TRIM33: variants seen among roughly 807,000 people sequenced by gnomAD.
The protein encoded by TRIM33 is E3 ubiquitin-protein ligase TRIM33.
In TRIM33, 20 loss-of-function variants were observed where a neutral mutation model predicts 125.4. The ratio of observed to expected loss-of-function variants is 0.16; its 90% CI spans 0.11 to 0.23. The LOEUF is 0.23. TRIM33 is among the 10% of genes least tolerant of loss of function. TRIM33 has a pLI of 1.00. For synonymous variants in TRIM33, 564 were observed against 513.9 expected, an observed-to-expected ratio of 1.10 and a Z score of -1.32; for missense variants, 920 against 1,411.4, an observed-to-expected ratio of 0.65 and a Z score of 5.58.
chr1:114,419,647 G>C (rs557797142), intron 11 of TRIM33, among the ~76,000 whole-genome samples: 3 of 152,244 alleles, frequency 2.0e-5, no homozygotes, highest in Admixed American at 6.5e-5. Flanking sequence ...CCTAGTATTA[G>C]GGAAGCAATC....
intron 11 of TRIM33, among the ~76,000 whole-genome samples, chr1:114,414,040 C>G (rs1353394897): frequency 2.0e-5 from 3 of 147,244 alleles, no homozygotes; most frequent in Non-Finnish European, 1.5e-5. Flanking sequence ...CACACACACA[C>G]ACACACACAC....
chr1:114,475,547 G>C (rs1300858517), intron 1 of TRIM33, among the ~76,000 whole-genome samples: 1 of 152,170 alleles, frequency 6.6e-6, no homozygotes, highest in African/African-American at 2.4e-5. Context: ...GCCAGGCGTG[G>C]TGACGGGCAC....
intron 1 of TRIM33, among the ~76,000 whole-genome samples, chr1:114,485,412 T>C (rs772749359): frequency 1.3e-5 from 2 of 152,044 alleles, no homozygotes; most frequent in African/African-American, 2.4e-5. Context: ...ACCAGGCAAA[T>C]CATCACTTCT....
chr1:114,425,797 T>G (rs1468164558), intron 8 of TRIM33, 74 bp from the exon 9 acceptor site: 1 of 1,078,326 alleles, frequency 9.3e-7, no homozygotes, highest in African/African-American at 1.6e-5. Context: ...TCACCATGTT[T>G]TCCTCTTTCC....
intron 4 of TRIM33, among the ~76,000 whole-genome samples, chr1:114,457,184 G>C (rs1649676975): frequency 6.6e-6 from 1 of 152,188 alleles, no homozygotes; most frequent in Admixed American, 6.5e-5. Context: ...ACTGCAGAAA[G>C]TAGTCTCTCT....
At chr1:114,477,227 A>G (rs1197941238) in intron 1 of TRIM33, among the ~76,000 whole-genome samples, 1 of 152,180 alleles carries the variant, frequency 6.6e-6, no homozygotes, top group Non-Finnish European at 1.5e-5. Context: ...TTAAAGTGGC[A>G]TATGATAAAA....
chr1:114,472,795 ATTTAAC>A (rs1213816243), intron 1 of TRIM33, among the ~76,000 whole-genome samples: 1 of 152,168 alleles, frequency 6.6e-6, no homozygotes, highest in Non-Finnish European at 1.5e-5. Context: ...ACAAGCATGA[ATTTAAC>A]TTTAAAGATA....
chr1:114,422,394 A>T (rs574945367), intron 10 of TRIM33, among the ~76,000 whole-genome samples: 11 of 152,134 alleles, frequency 7.2e-5, no homozygotes, highest in Non-Finnish European at 1.3e-4. Context: ...CCCTAGAAAT[A>T]CTTGAAGGCC....
intron 4 of TRIM33, among the ~76,000 whole-genome samples, chr1:114,449,163 TA>T (rs71580620): frequency 1.3e-5 from 2 of 150,558 alleles, no homozygotes; most frequent in Admixed American, 6.6e-5. Flanking sequence ...AAGAATGGTC[TA>T]AAAAAAACAG....
intron 4 of TRIM33, among the ~76,000 whole-genome samples, chr1:114,436,707 C>T (rs1270243782): frequency 2.0e-5 from 3 of 152,156 alleles, no homozygotes; most frequent in Admixed American, 6.5e-5. Context: ...TCAGATGATC[C>T]GCCCACCTCG....
At chr1:114,452,238 G>A (rs915713497) in intron 4 of TRIM33, among the ~76,000 whole-genome samples, 9 of 152,036 alleles carry the variant, frequency 5.9e-5, no homozygotes, top group Non-Finnish European at 1.0e-4. Flanking sequence ...CTGGTGGGCG[G>A]ATCACGAGGT....
In TRIM33 at chr1:114,395,715, G is replaced by A. The variant is rs1238442801; in HGVS notation, c.*1933C>T. On this transcript the variant is annotated 3_prime_UTR_variant, in exon 20 of 20. Coordinates refer to ENST00000358465, the MANE Select transcript of TRIM33 (RefSeq NM_015906.4). ...TAGGAATTTAAAATTTGAGTAAAAT[G>A]TTTCAACAGTTTGGTATATTTTCAA... The A allele has an allele frequency of 5.2e-6, 1 of 191,068 alleles. No homozygotes were observed. The highest frequency in any genetic ancestry group is 1.1e-5 in the Non-Finnish European group (1 of 91,226). The allele number at this position is 191,068 out of a possible 1,614,324, so 11.8% of individuals were successfully genotyped here.
At chr1:114,404,202 TC>T (rs1428233627) in intron 15 of TRIM33, 2 of 152,184 alleles carry the variant, frequency 1.3e-5, no homozygotes, top group Admixed American at 1.3e-4. Context: ...TGGTACAATC[TC>T]GGCTCATGGC....
chr1:114,417,262 A>T (rs1652992124), intron 11 of TRIM33, among the ~76,000 whole-genome samples: 1 of 152,158 alleles, frequency 6.6e-6, no homozygotes, highest in African/African-American at 2.4e-5. Context: ...AATATTCTTG[A>T]ATTAGTGGTA....
At position 114,473,244 on chromosome 1, in the gene TRIM33, G is replaced by A. The variant is rs549496905; in HGVS notation, c.527-8856C>T. ...TATACTCCAGCCTGGGTGCCAGAGCGAGACTCTGTCTCAAAAAAAAAAAAA... is the reference window on the plus strand; with the variant it reads ...TATACTCCAGCCTGGGTGCCAGAGCAAGACTCTGTCTCAAAAAAAAAAAAA... On this transcript the variant is annotated intron_variant, in intron 1 of 19. Transcript: ENST00000358465. 4.1e-5 allele frequency among the ~76,000 whole-genome samples: 6 copies of A among 146,610 alleles called. No homozygotes were observed. In the South Asian group the frequency reaches 1.1e-3, roughly 26 times the overall value.
chr1:114,486,044 G>A (rs1341640954), intron 1 of TRIM33, among the ~76,000 whole-genome samples: 2 of 152,140 alleles, frequency 1.3e-5, no homozygotes, highest in African/African-American at 4.8e-5. Flanking sequence ...GGAAGCTGAG[G>A]CAGGCAGATC....
chr1:114,509,886 T>C (rs112736146), intron 1 of TRIM33, among the ~76,000 whole-genome samples: 9,629 of 152,214 alleles, frequency 0.063, 412 homozygotes, highest in African/African-American at 0.12. Context: ...CTAAAACAAA[T>C]TCATGCCCAG....
chr1:114,406,027 G>A (rs1652209260), intron 14 of TRIM33, among the ~76,000 whole-genome samples: 1 of 152,204 alleles, frequency 6.6e-6, no homozygotes, highest in South Asian at 2.1e-4. Context: ...TGATTGGGAA[G>A]TGAGCATAGG....
Position 114,421,444 on chromosome 1 carries a change from G to GTGGAAT in TRIM33, c.2047_2052dup (p.Ile683_Pro684dup). ...TCAACTCAAATACAAACCTGTATGG[G>GTGGAAT]TGGAATATCTGGCAGCGATGGAAGG... On this transcript the variant is annotated inframe_insertion, in exon 11 of 20. Coordinates refer to ENST00000358465, the MANE Select transcript of TRIM33 (RefSeq NM_015906.4). 1 of 1,613,652 alleles carries GTGGAAT rather than the reference G, an allele frequency of 6.2e-7. No homozygotes were observed. Among genetic ancestry groups the GTGGAAT allele is most frequent in the Non-Finnish European group, 8.5e-7 (1 of 1,179,582 alleles).
Sources: gnomAD v4.1 joint callset for allele counts (sites outside exome capture counted in the v4.1 genomes callset) on GRCh38, gnomAD v4.1.1 for gene constraint, MANE v1.5 for transcripts, NCBI Gene and HGNC (gene_info 2026-07-23, HGNC 2026-07-21) for gene names.